The following CPEB4 variants were observed in gnomAD, a reference collection of about 807,000 sequenced individuals.
CPEB4 encodes cytoplasmic polyadenylation element-binding protein 4.
CPEB4 carries 12 observed loss-of-function variants against 72.5 expected under a neutral mutation model. That is an observed-to-expected ratio of 0.17 (90% CI 0.11 to 0.27). The LOEUF (loss-of-function observed/expected upper bound fraction) is 0.27. Among genes scored for constraint, CPEB4 ranks in the 10% least tolerant of loss-of-function variants. The probability of loss-of-function intolerance (pLI) is 1.00; values close to 1 mark genes in which losing one functional copy is unlikely to be tolerated. For missense variants in CPEB4, 614 were observed against 908.5 expected (o/e 0.68, Z 4.17); for synonymous variants, 302 against 326.3 (o/e 0.93, Z 0.80).
intron 4 of CPEB4, 77 bp downstream of exon 4, chr5:173,943,126 TG>T: frequency 7.0e-7 from 1 of 1,424,894 alleles, no homozygotes; most frequent in East Asian, 2.3e-5. Context: ...CTAACCTTTG[TG>T]GGGAAGGGGA....
At chr5:173,946,020 G>C (rs1036243271) in intron 5 of CPEB4, among the ~76,000 whole-genome samples, 7 of 152,126 alleles carry the variant, frequency 4.6e-5, no homozygotes, top group Non-Finnish European at 8.8e-5. Context: ...GAATAGAATA[G>C]ATTTCTTTAC....
Position 173,888,818 on chromosome 5 carries a change from G to A in CPEB4, c.-916G>A. The A allele has an allele frequency of 3.0e-6, 1 of 332,624 alleles. No homozygotes were observed. The highest frequency in any genetic ancestry group is 4.4e-5 in the East Asian group (1 of 22,486). 20.6% of individuals were successfully genotyped at this position (332,624 alleles called of 1,614,324 possible). ...GAGGCAGAAACCGCAGGACCTTCCA[G>A]GTCGCCCCCTCGGTCCCCGCACCCC... On this transcript the variant is annotated 5_prime_UTR_variant, in exon 1 of 10. Coordinates refer to ENST00000265085, the MANE Select transcript of CPEB4 (RefSeq NM_030627.4). This position sits in a 1 kb window ranked among gnomAD's most constrained non-coding sequence, Gnocchi z 4.3.
intron 1 of CPEB4, among the ~76,000 whole-genome samples, chr5:173,897,016 T>C (rs1475005275): frequency 6.6e-6 from 1 of 152,260 alleles, no homozygotes; most frequent in African/African-American, 2.4e-5. Flanking sequence ...AAAATATGGC[T>C]TTCTTATATT....
At chr5:173,936,432 C>T (rs987280812) in intron 3 of CPEB4, among the ~76,000 whole-genome samples, 1 of 152,096 alleles carries the variant, frequency 6.6e-6, no homozygotes, top group Non-Finnish European at 1.5e-5. Context: ...TTTTAAAGAC[C>T]CTGTCTCCAA....
At chr5:173,925,371 A>G (rs1438122126) in intron 2 of CPEB4, among the ~76,000 whole-genome samples, 1 of 152,190 alleles carries the variant, frequency 6.6e-6, no homozygotes, top group Non-Finnish European at 1.5e-5. Context: ...TGTCTCAGCC[A>G]GTTCCTTCTT....
chr5:173,917,336 T>C (rs1009040505), intron 2 of CPEB4, among the ~76,000 whole-genome samples: 3 of 152,196 alleles, frequency 2.0e-5, no homozygotes, highest in Non-Finnish European at 4.4e-5. Flanking sequence ...TGTGGCAAAA[T>C]AAGAACAGAT....
Position 173,957,326 on chromosome 5 carries a change from A to G in CPEB4, c.*1189A>G, listed in dbSNP as rs1191879293. 3.3e-5 allele frequency: 5 copies of G among 152,784 alleles called. No individual in the cohort carries two copies. The highest frequency in any genetic ancestry group is 7.3e-5 in the Non-Finnish European group (5 of 68,038). 9.5% of individuals were successfully genotyped at this position (152,784 alleles called of 1,614,324 possible). On this transcript the variant is annotated 3_prime_UTR_variant, in exon 10 of 10. Transcript: ENST00000265085. Reference sequence around the variant, plus strand: ...ATAGAAAATGAAAAAACAGTTAAAAAAAGTGAAGTAGTTGCAAAGTGTTTT... The same window carrying G: ...ATAGAAAATGAAAAAACAGTTAAAAGAAGTGAAGTAGTTGCAAAGTGTTTT...
chr5:173,926,664 A>C (rs899117808), intron 2 of CPEB4, among the ~76,000 whole-genome samples: 2 of 152,218 alleles, frequency 1.3e-5, no homozygotes, highest in Non-Finnish European at 2.9e-5. Flanking sequence ...TTTTCCTGTC[A>C]TAATGTTCCT....
At chr5:173,906,829 G>T (rs901817025) in intron 1 of CPEB4, among the ~76,000 whole-genome samples, 3 of 152,106 alleles carry the variant, frequency 2.0e-5, no homozygotes, top group South Asian at 2.1e-4. Flanking sequence ...TTTAATTTAG[G>T]ATTTTAGTTT....
At chr5:173,920,278 G>GA (rs1757024338) in intron 2 of CPEB4, among the ~76,000 whole-genome samples, 5 of 152,202 alleles carry the variant, frequency 3.3e-5, no homozygotes, top group African/African-American at 1.2e-4. Context: ...GCCAGTTGCT[G>GA]TGTATTGGAA....
At chr5:173,896,128 G>A (rs139637841) in intron 1 of CPEB4, among the ~76,000 whole-genome samples, 6 of 152,238 alleles carry the variant, frequency 3.9e-5, no homozygotes, top group African/African-American at 1.4e-4. Context: ...TTGCTAGGAG[G>A]AAAATAAGCT....
In CPEB4 at chr5:173,888,390, G is replaced by A; in HGVS notation, c.-1344G>A. ...AGGAGAAGGACTCAGCCGCGGCTGC[G>A]GGACCCGGGCACCGGGAGGCGGTGG... On this transcript the variant is annotated 5_prime_UTR_variant, in exon 1 of 10. Coordinates refer to ENST00000265085, the MANE Select transcript of CPEB4 (RefSeq NM_030627.4). The surrounding 1 kb of genome is among the most constrained non-coding windows in gnomAD (Gnocchi z 4.3). 1 of 450,990 alleles carries A rather than the reference G, an allele frequency of 2.2e-6. No homozygotes were observed. The allele number at this position is 450,990 out of a possible 1,614,324, so 27.9% of individuals were successfully genotyped here.
At chr5:173,930,447 G>T (rs961241444) in intron 2 of CPEB4, among the ~76,000 whole-genome samples, 2 of 152,204 alleles carry the variant, frequency 1.3e-5, no homozygotes, top group East Asian at 3.8e-4. Context: ...ACAGGCCATA[G>T]ATCCAGGCTT....
rs1449958674 is a variant in CPEB4, at chr5:173,900,230, A to AC, written c.1125+9376dup. ...AGACCAGCCTGACCAATATGGAGAA[A>AC]CCCCATCTCTACTAAAAATACAAAA... On this transcript the variant is annotated intron_variant, in intron 1 of 9. Coordinates refer to ENST00000265085, the MANE Select transcript of CPEB4 (RefSeq NM_030627.4). The surrounding 1 kb of genome is among the most constrained non-coding windows in gnomAD (Gnocchi z 4.4). Among the ~76,000 whole-genome samples, 24 of 151,852 alleles carry AC rather than the reference A, an allele frequency of 1.6e-4. No individual in the cohort carries two copies. The highest frequency in any genetic ancestry group is 1.4e-3 in the Admixed American group (22 of 15,228).
chr5:173,919,818 C>T (rs918825144), intron 2 of CPEB4, among the ~76,000 whole-genome samples: 6 of 152,180 alleles, frequency 3.9e-5, no homozygotes, highest in South Asian at 2.1e-4. Flanking sequence ...CCCAAAACTC[C>T]TGCATGGACT....
chr5:173,916,442 T>C (rs1461840294), intron 2 of CPEB4, among the ~76,000 whole-genome samples: 2 of 152,206 alleles, frequency 1.3e-5, no homozygotes, highest in Non-Finnish European at 2.9e-5. Flanking sequence ...CTATTGCATA[T>C]GTAGAGGAAG....
rs1355303678 is a variant in CPEB4 at position 173,890,787 on chromosome 5, A to G, written c.1054A>G (p.Ser352Gly). Residue 352 changes from serine to glycine, a missense_variant, in exon 1 of 10, where the codon AGC becomes GGC. This residue lies in a region of CPEB4 where 458 missense variants were observed against 548.6 expected (regional missense o/e 0.83). Coordinates refer to ENST00000265085, the MANE Select transcript of CPEB4 (RefSeq NM_030627.4). ...TCAGCTCCAGAAGTATGCTCGCCCC[A>G]GCTCTGCCTTTGCACCTAAATCCTG... is the stretch of plus-strand genomic sequence containing the variant. ...HIQLQKYARP[S>G]SAFAPKSWME... 2 of 1,614,240 alleles carry G rather than the reference A, an allele frequency of 1.2e-6. No individual in the cohort carries two copies. Among genetic ancestry groups the G allele is most frequent in the East Asian group, 2.2e-5 (1 of 44,888 alleles).
At chr5:173,918,138 T>G (rs1756944648) in intron 2 of CPEB4, 1 of 152,290 alleles carries the variant, frequency 6.6e-6, no homozygotes, top group African/African-American at 2.4e-5. Context: ...ATGAAGCGTG[T>G]TTCTTCTCCT....
intron 1 of CPEB4, among the ~76,000 whole-genome samples, chr5:173,895,280 C>A (rs1228969169): frequency 6.6e-6 from 1 of 152,172 alleles, no homozygotes; most frequent in Non-Finnish European, 1.5e-5. Flanking sequence ...TATAGCATTT[C>A]TTTGGAGGGG....
Sources: gnomAD v4.1 joint callset for allele counts (sites outside exome capture counted in the v4.1 genomes callset) on GRCh38, gnomAD v4.1.1 for gene constraint, gnomAD v4.1.1 regional missense constraint, Gnocchi (gnomAD v3.1) non-coding constraint, MANE v1.5 for transcripts, NCBI Gene and HGNC (gene_info 2026-07-23, HGNC 2026-07-21) for gene names.